EBF1: variants seen among roughly 807,000 people sequenced by gnomAD.
The protein encoded by EBF1 is transcription factor COE1.
In EBF1, 10 loss-of-function variants were observed where a neutral mutation model predicts 68.4. That is an observed-to-expected ratio of 0.15 (90% CI 0.09 to 0.25). EBF1 has a LOEUF of 0.25. Among genes scored for constraint, EBF1 ranks in the 10% least tolerant of loss-of-function variants. The pLI, the probability that EBF1 is intolerant of heterozygous loss-of-function variation, is 1.00. For synonymous variants in EBF1, 298 were observed against 299.8 expected (o/e 0.99, Z 0.06); for missense variants, 509 against 794.4 (o/e 0.64, Z 4.32).
At chr5:158,730,408 G>A (rs1340535413) in intron 11 of EBF1, among the ~76,000 whole-genome samples, 1 of 152,222 alleles carries the variant, frequency 6.6e-6, no homozygotes, top group African/African-American at 2.4e-5. Flanking sequence ...GTATGCAATA[G>A]TCAATAAAGG....
At chr5:158,887,705 T>C (rs1226782373) in intron 6 of EBF1, among the ~76,000 whole-genome samples, 1 of 152,238 alleles carries the variant, frequency 6.6e-6, no homozygotes, top group East Asian at 1.9e-4. Flanking sequence ...ATTGGAAGCG[T>C]CTTTTATACT....
chr5:158,713,878 A>G (rs116024361), intron 12 of EBF1, among the ~76,000 whole-genome samples: 2,333 of 152,334 alleles, frequency 0.015, 66 homozygotes, highest in African/African-American at 0.053. Context: ...TGTTCCCACT[A>G]AAGATTAGTT....
intron 6 of EBF1, among the ~76,000 whole-genome samples, chr5:158,956,872 C>A (rs1255455721): frequency 6.6e-6 from 1 of 151,546 alleles, no homozygotes; most frequent in East Asian, 1.9e-4. Context: ...CATTCTCCTG[C>A]CTCAGCCTCC....
intron 6 of EBF1, among the ~76,000 whole-genome samples, chr5:158,945,682 G>A (rs1214496266): frequency 1.3e-5 from 2 of 152,100 alleles, no homozygotes; most frequent in Non-Finnish European, 2.9e-5. Flanking sequence ...GTATCTTTGT[G>A]GTGTTCTCTG....
intron 10 of EBF1, among the ~76,000 whole-genome samples, chr5:158,764,790 A>C (rs1772289051): frequency 6.6e-6 from 1 of 152,216 alleles, no homozygotes; most frequent in Non-Finnish European, 1.5e-5. Context: ...TTTGGTAGGT[A>C]TAAAAATCTA....
intron 5 of EBF1, among the ~76,000 whole-genome samples, chr5:159,074,866 T>G (rs191375161): frequency 6.6e-6 from 1 of 152,338 alleles, no homozygotes; most frequent in East Asian, 1.9e-4. Flanking sequence ...TTCTGCTATA[T>G]ACTGCTACTT....
At chr5:159,052,447 C>T (rs1472510716) in intron 6 of EBF1, among the ~76,000 whole-genome samples, 3 of 152,150 alleles carry the variant, frequency 2.0e-5, no homozygotes. Context: ...ACTACCTCCC[C>T]GAAGTCTGCT....
chr5:158,943,643 A>T (rs1813983632), intron 6 of EBF1, among the ~76,000 whole-genome samples: 1 of 152,150 alleles, frequency 6.6e-6, no homozygotes, highest in Non-Finnish European at 1.5e-5. Context: ...AGCTGAGCAG[A>T]TTTTACCTAA....
At chr5:158,988,565 A>G (rs1361755561) in intron 6 of EBF1, among the ~76,000 whole-genome samples, 1 of 152,164 alleles carries the variant, frequency 6.6e-6, no homozygotes, top group Non-Finnish European at 1.5e-5. Flanking sequence ...CTTGTAAACC[A>G]AAGGACTCTG....
rs60202961 is a variant in EBF1 at position 158,730,689 on chromosome 5, C to T, written c.1125+380G>A. On this transcript the variant is annotated intron_variant, in intron 11 of 15. Coordinates refer to ENST00000313708, the MANE Select transcript of EBF1 (RefSeq NM_024007.5). ...TCTTTTGAGAATTGGTAAGATGTAG[C>T]GATTAAGTAGCCCAGACTCTAGGGC... 6.2e-3 allele frequency among the ~76,000 whole-genome samples: 942 copies of T among 152,246 alleles called. 10 individuals carry two copies. Among genetic ancestry groups the T allele is most frequent in the African/African-American group, 0.022 (899 of 41,528 alleles).
intron 10 of EBF1, among the ~76,000 whole-genome samples, chr5:158,775,419 G>A (rs375838215): frequency 1.4e-4 from 21 of 152,052 alleles, no homozygotes; most frequent in African/African-American, 4.1e-4. Context: ...GGGCAGGGAC[G>A]TTGTCACCAA....
chr5:158,708,013 G>A lies in EBF1; in HGVS notation c.1710C>T (p.Pro570=). 1 of 1,550,804 alleles carries A rather than the reference G, an allele frequency of 6.4e-7. No individual in the cohort carries two copies. Among genetic ancestry groups the A allele is most frequent in the Non-Finnish European group, 8.7e-7 (1 of 1,147,220 alleles). The stretch of plus-strand genomic sequence containing the variant: ...TGTTCCCGTTGGTGCTGGTGCAGGT[G>A]GGAGGTGGGGAGGTCTGGGGTCTGA... ...PVVRPQTSPP[P]TCTSTNGNSL... Residue 570 remains proline (P), a synonymous_variant, in exon 15 of 16, where the codon CCC becomes CCT. Coordinates refer to ENST00000313708, the MANE Select transcript of EBF1 (RefSeq NM_024007.5).
chr5:159,083,867 C>T (rs1469049561), intron 5 of EBF1, among the ~76,000 whole-genome samples: 1 of 152,256 alleles, frequency 6.6e-6, no homozygotes, highest in Non-Finnish European at 1.5e-5. Context: ...GAGCAAACTG[C>T]TGGTGTTACT....
chr5:158,847,205 A>G (rs1791696599), intron 6 of EBF1, among the ~76,000 whole-genome samples: 1 of 152,344 alleles, frequency 6.6e-6, no homozygotes, highest in South Asian at 2.1e-4. Flanking sequence ...CCTTGAGGGA[A>G]GGGCATCATT....
At chr5:158,762,038 AAGAT>A (rs1457005993) in intron 10 of EBF1, among the ~76,000 whole-genome samples, 20 of 152,290 alleles carry the variant, frequency 1.3e-4, no homozygotes, top group Admixed American at 2.6e-4. Flanking sequence ...GGTTGGCTAA[AAGAT>A]AGCAGGATAT....
chr5:158,995,249 T>C (rs562645928), intron 6 of EBF1, among the ~76,000 whole-genome samples: 4 of 152,356 alleles, frequency 2.6e-5, no homozygotes, highest in African/African-American at 9.6e-5. Flanking sequence ...CCTTGGATTC[T>C]TACTAGTGGC....
chr5:158,988,761 C>T (rs1759664922), intron 6 of EBF1, among the ~76,000 whole-genome samples: 1 of 152,206 alleles, frequency 6.6e-6, no homozygotes. Flanking sequence ...TTGCCCCTAG[C>T]TGATGCGAAG....
chr5:158,954,803 G>A (rs1463385146), intron 6 of EBF1, among the ~76,000 whole-genome samples: 1 of 152,096 alleles, frequency 6.6e-6, no homozygotes, highest in Non-Finnish European at 1.5e-5. Flanking sequence ...AATATTCACG[G>A]GAAAGGTAAA....
intron 6 of EBF1, among the ~76,000 whole-genome samples, chr5:159,010,966 T>G (rs2127679535): frequency 6.6e-6 from 1 of 152,308 alleles, no homozygotes; most frequent in East Asian, 1.9e-4. Flanking sequence ...AAAGTCCAGT[T>G]CCTTGCAAAT....
Sources: gnomAD v4.1 joint callset for allele counts (sites outside exome capture counted in the v4.1 genomes callset) on GRCh38, gnomAD v4.1.1 for gene constraint, MANE v1.5 for transcripts, NCBI Gene and HGNC (gene_info 2026-07-23, HGNC 2026-07-21) for gene names.